WWOX: variants seen among roughly 807,000 people sequenced by gnomAD.
WWOX encodes WW domain containing oxidoreductase.
WWOX carries 69 observed loss-of-function variants against 46.2 expected under a neutral mutation model. That is an observed-to-expected ratio of 1.49 (90% confidence interval 1.23 to 1.82). WWOX has a LOEUF of 1.82. Among genes scored for constraint, WWOX ranks in the 40% most tolerant of loss-of-function variants. The probability of loss-of-function intolerance (pLI) is 0.00; values close to 1 mark genes in which losing one functional copy is unlikely to be tolerated. For synonymous variants in WWOX, 359 were observed against 202.6 expected, an observed-to-expected ratio of 1.77 and a Z score of -6.56; for missense variants, 919 against 542.6, an observed-to-expected ratio of 1.69 and a Z score of -6.89.
chr16:78,992,082 A>G (rs1239014319), intron 8 of WWOX, among the ~76,000 whole-genome samples: 1 of 152,164 alleles, frequency 6.6e-6, no homozygotes, highest in African/African-American at 2.4e-5. Flanking sequence ...CTTGGAATCT[A>G]CACACCTGTG....
intron 4 of WWOX, among the ~76,000 whole-genome samples, chr16:78,152,168 C>T (rs747702781): frequency 4.7e-5 from 7 of 147,890 alleles, no homozygotes; most frequent in Non-Finnish European, 8.9e-5. Context: ...CCAGCCTGGG[C>T]GACAGAGCGA....
chr16:79,042,767 A>C (rs147090137), intron 8 of WWOX, among the ~76,000 whole-genome samples: 121 of 145,470 alleles, frequency 8.3e-4, no homozygotes, highest in African/African-American at 2.9e-3. Context: ...CTCCTTGATC[A>C]GGATTTCTCA....
At chr16:78,163,170 A>G (rs1207046779) in intron 4 of WWOX, among the ~76,000 whole-genome samples, 2 of 152,174 alleles carry the variant, frequency 1.3e-5, no homozygotes, top group Admixed American at 1.3e-4. Context: ...GAGAGTTTAT[A>G]TGAGTATTTG....
chr16:78,469,871 C>G (rs936191876), intron 8 of WWOX, among the ~76,000 whole-genome samples: 1 of 152,160 alleles, frequency 6.6e-6, no homozygotes, highest in Non-Finnish European at 1.5e-5. Flanking sequence ...TAAGACAAAC[C>G]GATATCTGTA....
chr16:78,164,367 G>A (rs2034903703), intron 5 of WWOX, 78 bp downstream of exon 5: 3 of 1,276,608 alleles, frequency 2.3e-6, no homozygotes, highest in South Asian at 1.3e-5. Flanking sequence ...TTTCAGTGGA[G>A]TGTGTAAAGT....
chr16:78,435,687 A>G (rs2083320145), intron 8 of WWOX, among the ~76,000 whole-genome samples: 3 of 152,156 alleles, frequency 2.0e-5, no homozygotes, highest in Admixed American at 2.0e-4. Flanking sequence ...TGGTGGCAAG[A>G]CAAGAAAGTG....
chr16:78,469,965 T>C (rs536540605), intron 8 of WWOX, among the ~76,000 whole-genome samples: 11 of 152,378 alleles, frequency 7.2e-5, no homozygotes, highest in African/African-American at 2.6e-4. Flanking sequence ...GGTACGTTAT[T>C]GAAGGTGATG....
chr16:78,255,462 C>T (rs768449625), intron 5 of WWOX, among the ~76,000 whole-genome samples: 6 of 152,162 alleles, frequency 3.9e-5, no homozygotes, highest in Non-Finnish European at 5.9e-5. Flanking sequence ...GTTGCTTAAG[C>T]AGAGGAGAAA....
intron 8 of WWOX, among the ~76,000 whole-genome samples, chr16:79,011,596 G>A (rs1007204620): frequency 1.3e-5 from 2 of 151,036 alleles, no homozygotes; most frequent in African/African-American, 4.9e-5. Context: ...GGGCTCAGTC[G>A]ATCCTCCCAC....
intron 8 of WWOX, among the ~76,000 whole-genome samples, chr16:78,672,808 G>GAGT (rs1459100915): frequency 6.6e-6 from 1 of 152,224 alleles, no homozygotes; most frequent in African/African-American, 2.4e-5. Flanking sequence ...AATGATAACA[G>GAGT]CCATCTGACT....
At chr16:78,834,604 C>T (rs530751246) in intron 8 of WWOX, among the ~76,000 whole-genome samples, 7 of 152,224 alleles carry the variant, frequency 4.6e-5, no homozygotes, top group Admixed American at 1.3e-4. Context: ...GAAAGTACAG[C>T]GTAGTTTGTT....
intron 8 of WWOX, among the ~76,000 whole-genome samples, chr16:79,178,967 G>C (rs1474367356): frequency 6.6e-6 from 1 of 152,176 alleles, no homozygotes; most frequent in African/African-American, 2.4e-5. Flanking sequence ...AGGGAAATGT[G>C]AGTTTATCAT....
Position 78,140,775 on chromosome 16 carries a change from A to G in WWOX, c.410-23408A>G, listed in dbSNP as rs1440403262. Among the ~76,000 whole-genome samples, 4 of 152,352 alleles carry G rather than the reference A, an allele frequency of 2.6e-5. No individual in the cohort carries two copies. In the East Asian group the frequency reaches 5.8e-4, roughly 22 times the overall value. ...AAAGGCCCTGTTTCCAAGTAAGGTG[A>G]CATTCTGAGGTACTGGGCTTAGGAC... On this transcript the variant is annotated intron_variant, in intron 4 of 8. Transcript: ENST00000566780.
At chr16:78,745,408 C>T (rs1461919995) in intron 8 of WWOX, among the ~76,000 whole-genome samples, 2 of 152,232 alleles carry the variant, frequency 1.3e-5, no homozygotes, top group African/African-American at 4.8e-5. Context: ...GCCGGCCTCT[C>T]CCTGTGTCAT....
chr16:78,383,125 C>G (rs1319183580), intron 5 of WWOX, among the ~76,000 whole-genome samples: 1 of 151,122 alleles, frequency 6.6e-6, no homozygotes, highest in East Asian at 2.0e-4. Flanking sequence ...CCCCATGATC[C>G]AATCACCTCC....
At chr16:78,491,370 C>T (rs548704436) in intron 8 of WWOX, among the ~76,000 whole-genome samples, 2 of 152,292 alleles carry the variant, frequency 1.3e-5, no homozygotes, top group East Asian at 3.9e-4. Context: ...GCCTGACAAC[C>T]TAATAGGTGC....
chr16:78,118,908 C>G (rs1597224598), intron 4 of WWOX: 1 of 152,242 alleles, frequency 6.6e-6, no homozygotes, highest in East Asian at 1.9e-4. Context: ...AGAATGTTGC[C>G]TCCTCAGAAA....
chr16:78,319,461 C>T lies in WWOX; in HGVS notation c.517-67399C>T, dbSNP rs947467455. Reference sequence around the variant, plus strand: ...ATTTTTAGTAGAGGTGGGGTTTCATCATGTTGCCCAGGCTGGTCTCAAACC... The same window carrying T: ...ATTTTTAGTAGAGGTGGGGTTTCATTATGTTGCCCAGGCTGGTCTCAAACC... On this transcript the variant is annotated intron_variant, in intron 5 of 8. Transcript: ENST00000566780. Among the ~76,000 whole-genome samples the T allele has an allele frequency of 1.8e-4, 27 of 152,002 alleles. 1 individual carries two copies. Among genetic ancestry groups the T allele is most frequent in the Non-Finnish European group, 3.4e-4 (23 of 68,002 alleles).
intron 8 of WWOX, chr16:78,496,367 A>G (rs1197900839): frequency 6.6e-6 from 1 of 152,270 alleles, no homozygotes; most frequent in Non-Finnish European, 1.5e-5. Flanking sequence ...CAGAGCATGT[A>G]GAAAGATCAC....
Sources: allele counts gnomAD v4.1 joint callset (sites outside exome capture counted in the v4.1 genomes callset), GRCh38; gene constraint gnomAD v4.1.1; transcripts MANE v1.5; gene names NCBI Gene and HGNC (gene_info 2026-07-23, HGNC 2026-07-21).